The following DIAPH2 variants were observed in gnomAD, a reference collection of about 807,000 sequenced individuals.
DIAPH2 encodes protein diaphanous homolog 2.
DIAPH2 carries 35 observed loss-of-function variants against 92.7 expected under a neutral mutation model. The ratio of observed to expected loss-of-function variants is 0.38; its 90% CI spans 0.29 to 0.50. The LOEUF (loss-of-function observed/expected upper bound fraction) is 0.50, where lower values mean the gene tolerates loss of function less well. Among genes scored for constraint, DIAPH2 ranks in the 20% least tolerant of loss-of-function variants. The pLI is 0.94. For synonymous variants in DIAPH2, 301 were observed against 280.4 expected (o/e 1.07, Z -0.73); for missense variants, 701 against 819.5 (o/e 0.86, Z 1.77).
At chrX:96,707,898 C>G (rs1038290499) in intron 1 of DIAPH2, among the ~76,000 whole-genome samples, 3 of 111,283 alleles carry the variant, frequency 2.7e-5, no homozygotes, top group African/African-American at 9.8e-5. Context: ...AGGCATTTTT[C>G]TTTTTTTATA....
chrX:97,499,780 CTTTAA>C (rs1010368187), intron 26 of DIAPH2, among the ~76,000 whole-genome samples: 15 of 112,404 alleles, frequency 1.3e-4, no homozygotes, highest in African/African-American at 4.2e-4. Context: ...AAAAAGATAA[CTTTAA>C]TTATAATTAT....
At chrX:97,274,291 C>T (rs751041674) in intron 23 of DIAPH2, among the ~76,000 whole-genome samples, 87 of 109,768 alleles carry the variant, frequency 7.9e-4, no homozygotes, top group African/African-American at 2.8e-3. Context: ...AGGCAGATCA[C>T]GAGGTCAGGA....
intron 17 of DIAPH2, among the ~76,000 whole-genome samples, chrX:97,004,456 T>A (rs777111549): frequency 2.9e-4 from 32 of 111,620 alleles, no homozygotes; most frequent in Non-Finnish European, 5.5e-4. Flanking sequence ...ATATTTTAAA[T>A]TTTTTTTGGT....
intron 4 of DIAPH2, among the ~76,000 whole-genome samples, chrX:96,816,473 T>A (rs184092798): frequency 8.9e-6 from 1 of 112,539 alleles, no homozygotes. Context: ...TATGAAAAGA[T>A]GCTCAACATC....
intron 26 of DIAPH2, among the ~76,000 whole-genome samples, chrX:97,571,714 G>A (rs921691213): frequency 9.9e-5 from 11 of 110,747 alleles, no homozygotes; most frequent in African/African-American, 3.3e-4. Flanking sequence ...CATGCAAAGC[G>A]TCTGTGCATG....
At chrX:97,088,597 T>C (rs1296458023) in intron 19 of DIAPH2, among the ~76,000 whole-genome samples, 1 of 111,884 alleles carries the variant, frequency 8.9e-6, no homozygotes, top group Non-Finnish European at 1.9e-5. Flanking sequence ...AAGGCTATAT[T>C]GAATGGGTGA....
rs1403212909 is a variant in DIAPH2, at chrX:97,603,484, T to G, written c.*4167T>G. ...TATGTTGTCCAGGCTGCTCTCGAAC[T>G]CCTAGCCTCAAGCAATCCACCCATC... On this transcript the variant is annotated 3_prime_UTR_variant, in exon 27 of 27. Transcript: ENST00000324765. 2 of 111,349 alleles carry G rather than the reference T, an allele frequency of 1.8e-5. No individual in the cohort carries two copies. The highest frequency in any genetic ancestry group is 6.5e-5 in the African/African-American group (2 of 30,590). 9.2% of individuals were successfully genotyped at this position (111,349 alleles called of 1,213,427 possible).
chrX:96,882,883 C>T (rs1033746339), intron 5 of DIAPH2, among the ~76,000 whole-genome samples: 21 of 88,399 alleles, frequency 2.4e-4, no homozygotes, highest in East Asian at 4.1e-4. Flanking sequence ...CACCTCAGCC[C>T]GGGAGGTGGA....
At chrX:97,210,213 T>C (rs938518282) in intron 22 of DIAPH2, among the ~76,000 whole-genome samples, 2 of 112,140 alleles carry the variant, frequency 1.8e-5, no homozygotes, top group African/African-American at 6.5e-5. Flanking sequence ...TTGACCTCTT[T>C]TACACATCCC....
chrX:96,781,546 G>T (rs1602502134), intron 4 of DIAPH2, among the ~76,000 whole-genome samples: 1 of 110,959 alleles, frequency 9.0e-6, no homozygotes, highest in African/African-American at 3.3e-5. Context: ...GAGTAATTAG[G>T]ATAAAGCATT....
chrX:97,059,513 C>T (rs1233362018), intron 17 of DIAPH2, among the ~76,000 whole-genome samples: 1 of 111,115 alleles, frequency 9.0e-6, no homozygotes, highest in East Asian at 2.8e-4. Flanking sequence ...GTTGAAAACT[C>T]GAGAATAACT....
At chrX:97,389,059 T>TA (rs1288761190) in intron 25 of DIAPH2, among the ~76,000 whole-genome samples, 2 of 111,466 alleles carry the variant, frequency 1.8e-5, no homozygotes, top group African/African-American at 6.5e-5. Context: ...TCAGTATTAT[T>TA]ATGAAAATAG....
chrX:97,072,021 G>A (rs1163022654), intron 17 of DIAPH2, among the ~76,000 whole-genome samples: 1 of 111,857 alleles, frequency 8.9e-6, no homozygotes. Context: ...ATTTTCTGAT[G>A]GCCCCATTAC....
rs139730240 is a variant in DIAPH2 at position 96,912,397 on chromosome X, A to G, written c.657A>G (p.Lys219=). Residue 219 remains lysine (K), a synonymous_variant, in exon 6 of 27, where the codon AAA becomes AAG. Transcript: ENST00000324765. ...LLDELEKLLD[K]KQQENIDKKN... ...ATGAGCTGGAAAAGCTTCTGGACAA[A>G]AAACAGTAAGAATAAACACTGAAAT... 247 of 1,200,152 alleles carry G rather than the reference A, an allele frequency of 2.1e-4. No individual in the cohort carries two copies. In the African/African-American group the frequency reaches 3.7e-3, roughly 18 times the overall value.
chrX:96,782,332 C>T (rs973838845), intron 4 of DIAPH2, among the ~76,000 whole-genome samples: 6 of 110,628 alleles, frequency 5.4e-5, no homozygotes, highest in African/African-American at 1.6e-4. Context: ...CGCTCTGTCA[C>T]CCAGGCTAGA....
chrX:97,062,907 G>A (rs2066608808), intron 17 of DIAPH2, among the ~76,000 whole-genome samples: 1 of 107,632 alleles, frequency 9.3e-6, no homozygotes, highest in African/African-American at 3.4e-5. Context: ...GGTGGCAGGC[G>A]CCTGTAATCC....
intron 25 of DIAPH2, among the ~76,000 whole-genome samples, chrX:97,388,080 C>T (rs1213802379): frequency 1.8e-5 from 2 of 111,357 alleles, no homozygotes. Flanking sequence ...GAAAATGCCA[C>T]AAGCTAAGTA....
Position 96,939,371 on chromosome X carries a change from T to G in DIAPH2, c.1314T>G (p.Asp438Glu). ...ILQHFLLIRNDYYIRPQYYKI... is the reference protein window; with the variant it reads ...ILQHFLLIRNEYYIRPQYYKI... Reference sequence around the variant, plus strand: ...AACATTTTTTGCTTATCAGAAATGATTATTATATCAGGTAAGAGGCAGTTC... The same window carrying G: ...AACATTTTTTGCTTATCAGAAATGAGTATTATATCAGGTAAGAGGCAGTTC... Residue 438 changes from aspartate to glutamate, a missense_variant, in exon 12 of 27, where the codon GAT becomes GAG. Transcript: ENST00000324765. The G allele has an allele frequency of 1.0e-6, 1 of 987,715 alleles. No individual in the cohort carries two copies. Among genetic ancestry groups the G allele is most frequent in the East Asian group, 3.1e-5 (1 of 31,785 alleles). The allele number at this position is 987,715 out of a possible 1,213,427, so 81.4% of individuals were successfully genotyped here. A position where few individuals can be genotyped will look rare whatever the true frequency, so the allele number is the denominator to read the frequency against.
intron 10 of DIAPH2, among the ~76,000 whole-genome samples, chrX:96,934,169 A>T (rs1160163094): frequency 8.9e-6 from 1 of 111,799 alleles, no homozygotes; most frequent in African/African-American, 3.3e-5. Context: ...AACATATACT[A>T]CATACCTCAC....
Sources: allele counts gnomAD v4.1 joint callset (sites outside exome capture counted in the v4.1 genomes callset), GRCh38; gene constraint gnomAD v4.1.1; transcripts MANE v1.5; gene names NCBI Gene and HGNC (gene_info 2026-07-23, HGNC 2026-07-21).